PCDHA10: variants seen among roughly 807,000 people sequenced by gnomAD.
PCDHA10 encodes protocadherin alpha-10.
PCDHA10 carries 45 observed loss-of-function variants against 61.2 expected under a neutral mutation model. The ratio of observed to expected loss-of-function variants is 0.74; its 90% CI spans 0.58 to 0.94. The LOEUF (loss-of-function observed/expected upper bound fraction) is 0.94. PCDHA10 is among the 40% of genes least tolerant of loss of function. The pLI is 0.00. For missense variants in PCDHA10, 1,278 were observed against 1,236.2 expected, an observed-to-expected ratio of 1.03 and a Z score of -0.51; for synonymous variants, 602 against 548.8, an observed-to-expected ratio of 1.10 and a Z score of -1.35.
chr5:140,976,770 C>T (rs2096730456), intron 1 of PCDHA10, among the ~76,000 whole-genome samples: 1 of 152,162 alleles, frequency 6.6e-6, no homozygotes, highest in Non-Finnish European at 1.5e-5. Flanking sequence ...GCCTGCTAGA[C>T]TCTGACTATA....
intron 1 of PCDHA10, among the ~76,000 whole-genome samples, chr5:140,957,828 G>A (rs554121251): frequency 6.0e-5 from 9 of 150,668 alleles, no homozygotes; most frequent in Non-Finnish European, 1.2e-4. Context: ...AAGAGAAAGT[G>A]TTAATTGATT....
At chr5:140,909,438 T>C (rs2074496860) in intron 1 of PCDHA10, among the ~76,000 whole-genome samples, 1 of 152,222 alleles carries the variant, frequency 6.6e-6, no homozygotes, top group Non-Finnish European at 1.5e-5. Context: ...GATAATCCAC[T>C]GTCATTCTCC....
At chr5:140,984,013 A>G (rs1258063909) in intron 3 of PCDHA10, among the ~76,000 whole-genome samples, 1 of 152,234 alleles carries the variant, frequency 6.6e-6, no homozygotes, top group Non-Finnish European at 1.5e-5. Context: ...TAATATTGCC[A>G]GATTGCAAGG....
At position 140,935,795 on chromosome 5, in the gene PCDHA10, C is replaced by CTT. The variant is rs555560136; in HGVS notation, c.2389-43154_2389-43153insTT. ...GAGTTTTTTCACTTAAAAATATAAA[C>CTT]GAGATTATTTCATAGTAGTATAGTA... On this transcript the variant is annotated intron_variant, in intron 1 of 3. Coordinates refer to ENST00000307360, the MANE Select transcript of PCDHA10 (RefSeq NM_018901.4). 5.4e-3 allele frequency among the ~76,000 whole-genome samples: 824 copies of CTT among 151,876 alleles called. 3 individuals are homozygous for CTT. Among genetic ancestry groups the CTT allele is most frequent in the African/African-American group, 0.019 (793 of 41,436 alleles).
chr5:140,971,032 G>A (rs540815935), intron 1 of PCDHA10, among the ~76,000 whole-genome samples: 4 of 152,302 alleles, frequency 2.6e-5, no homozygotes, highest in African/African-American at 7.2e-5. Context: ...GCATTTGAAA[G>A]CACGTAAAAG....
At chr5:140,973,107 G>A (rs2096572271) in intron 1 of PCDHA10, among the ~76,000 whole-genome samples, 1 of 152,192 alleles carries the variant, frequency 6.6e-6, no homozygotes, top group South Asian at 2.1e-4. Flanking sequence ...TTATGAAAGA[G>A]TAGCAGAGAT....
intron 1 of PCDHA10, among the ~76,000 whole-genome samples, chr5:140,944,665 A>G (rs782357699): frequency 1.1e-4 from 17 of 152,138 alleles, no homozygotes; most frequent in Non-Finnish European, 2.5e-4. Flanking sequence ...CCCCTTATTT[A>G]TCTATTCTGT....
rs782092511 is a variant in PCDHA10 at position 140,856,319 on chromosome 5, C to T, written c.271C>T (p.Arg91Cys). Residue 91 changes from arginine (R) to cysteine (C), a missense_variant, in exon 1 of 4, where the codon CGC becomes TGC. Coordinates refer to ENST00000307360, the MANE Select transcript of PCDHA10 (RefSeq NM_018901.4). ...GILFVNSRIDREELCGRSVEC... is the reference protein window; with the variant it reads ...GILFVNSRIDCEELCGRSVEC... ...TTTGTTTGTGAATTCTCGGATTGAC[C>T]GCGAGGAGCTGTGCGGGCGGAGCGT... The T allele has an allele frequency of 1.3e-6, 2 of 1,598,532 alleles. No individual in the cohort carries two copies. Among genetic ancestry groups the T allele is most frequent in the African/African-American group, 1.3e-5 (1 of 74,402 alleles).
At chr5:140,930,013 G>A (rs2086530432) in intron 1 of PCDHA10, 1 of 152,118 alleles carries the variant, frequency 6.6e-6, no homozygotes, top group Admixed American at 6.5e-5. Context: ...ATAGCTGATA[G>A]CTCCATAGCA....
chr5:141,009,720 C>G lies in PCDHA10; in HGVS notation c.2630C>G (p.Ser877Cys), dbSNP rs782119637. ...FKYGPGNPKQ[S>C]GPGELPDKFI... ...TACGGACCAGGCAACCCCAAACAAT[C>G]CGGTCCCGGTGAGTTGCCCGACAAA... The change falls in exon 4 of 4, where the codon TCC (serine) becomes TGC (cysteine). Residue 877 changes from serine to cysteine, a missense_variant. Transcript: ENST00000307360. 1 of 1,614,180 alleles carries G rather than the reference C, an allele frequency of 6.2e-7. No individual in the cohort carries two copies. The highest frequency in any genetic ancestry group is 2.2e-5 in the East Asian group (1 of 44,872).
At chr5:140,927,893 A>G (rs1554205201) in intron 1 of PCDHA10, 1 of 1,614,050 alleles carries the variant, frequency 6.2e-7, no homozygotes, top group Non-Finnish European at 8.5e-7. Flanking sequence ...ACTGACGTGA[A>G]CGATCATGCC....
intron 1 of PCDHA10, among the ~76,000 whole-genome samples, chr5:140,978,557 T>C (rs1262121525): frequency 6.6e-6 from 1 of 152,246 alleles, no homozygotes; most frequent in Non-Finnish European, 1.5e-5. Flanking sequence ...TGCCCTGTTA[T>C]AGCTGTAATA....
chr5:140,871,008 C>A lies in PCDHA10; in HGVS notation c.2388+12572C>A, dbSNP rs782247452. Reference sequence around the variant, plus strand: ...CGGGCGAGATAAGCACAACGCGTGCCCTGGACGAGGCAGACTCGCCGCGCC... The same window carrying A: ...CGGGCGAGATAAGCACAACGCGTGCACTGGACGAGGCAGACTCGCCGCGCC... On this transcript the variant is annotated intron_variant, in intron 1 of 3. Transcript: ENST00000307360. The A allele has an allele frequency of 5.6e-6, 9 of 1,613,284 alleles. No homozygotes were observed. The African/African-American group carries it at 1.1e-4, about 19-fold the overall frequency.
intron 1 of PCDHA10, chr5:140,884,825 T>C (rs543714024): frequency 1.0e-6 from 1 of 967,424 alleles, no homozygotes; most frequent in Non-Finnish European, 1.5e-6. Flanking sequence ...CATTATGTGT[T>C]GGATTATCCT....
At chr5:140,942,147 T>C (rs2093240437) in intron 1 of PCDHA10, among the ~76,000 whole-genome samples, 1 of 152,236 alleles carries the variant, frequency 6.6e-6, no homozygotes, top group Non-Finnish European at 1.5e-5. Flanking sequence ...TTACTTGACA[T>C]AAAACAGCTT....
At chr5:140,968,394 G>A (rs782388354) in intron 1 of PCDHA10, 3 of 1,613,942 alleles carry the variant, frequency 1.9e-6, no homozygotes, top group Admixed American at 3.3e-5. Context: ...GAGAAGTTTC[G>A]GGAGTTCTTT....
intron 1 of PCDHA10, chr5:140,877,875 C>T (rs2057379478): frequency 6.8e-7 from 1 of 1,475,090 alleles, no homozygotes; most frequent in Non-Finnish European, 9.0e-7. Context: ...TATTTGTTTC[C>T]TTGAAGAACT....
intron 1 of PCDHA10, among the ~76,000 whole-genome samples, chr5:140,978,421 T>C (rs969808613): frequency 2.0e-5 from 3 of 152,236 alleles, no homozygotes; most frequent in Non-Finnish European, 4.4e-5. Flanking sequence ...AAAGAGACTG[T>C]TATCAGTTGC....
intron 1 of PCDHA10, chr5:140,877,590 G>T: frequency 1.2e-6 from 2 of 1,613,826 alleles, no homozygotes; most frequent in Non-Finnish European, 1.7e-6. Flanking sequence ...CCATCTGTGC[G>T]GTGTCCAGCC....
Sources: allele counts gnomAD v4.1 joint callset (sites outside exome capture counted in the v4.1 genomes callset), GRCh38; gene constraint gnomAD v4.1.1; transcripts MANE v1.5; gene names NCBI Gene and HGNC (gene_info 2026-07-23, HGNC 2026-07-21).